Variants in MRPS2 observed in about 807,000 individuals in gnomAD.
MRPS2 encodes small ribosomal subunit protein uS2m.
A neutral mutation model predicts 18.9 loss-of-function variants in MRPS2; 13 were observed. That is an observed-to-expected ratio of 0.69 (90% CI 0.45 to 1.09). The LOEUF is 1.09. Ranked by LOEUF, MRPS2 falls within the 50% of genes least tolerant of loss-of-function variation. The pLI, the probability that MRPS2 is intolerant of heterozygous loss-of-function variation, is 0.00. For missense variants in MRPS2, 389 were observed against 421.7 expected (o/e 0.92, Z 0.68); for synonymous variants, 186 against 178.4 (o/e 1.04, Z -0.34).
intron 3 of MRPS2, chr9:135,502,249 G>A (rs1029524206): frequency 1.6e-6 from 2 of 1,261,188 alleles, no homozygotes; most frequent in Admixed American, 3.7e-5. Context: ...TGGAAAGGCT[G>A]AGGGCAGAAC....
chr9:135,500,911 C>A (rs539303120), intron 1 of MRPS2, 87 bp from the exon 2 acceptor site: 2 of 1,581,716 alleles, frequency 1.3e-6, no homozygotes, highest in Non-Finnish European at 1.7e-6. Flanking sequence ...CCGTTAGGGA[C>A]GCGGAGGGGC....
At chr9:135,500,476 A>G (rs55673942), upstream of MRPS2, 53 of 458,954 alleles carry the variant, frequency 1.2e-4, no homozygotes, top group Non-Finnish European at 1.7e-4. Context: ...GGGCGGGGCG[A>G]GCTGCAGGGC....
In MRPS2 at chr9:135,503,258, A is replaced by C. The variant is rs530088662; in HGVS notation, c.300-284A>C. 3.9e-6 allele frequency: 5 copies of C among 1,276,196 alleles called. 1 individual carries two copies. In the South Asian group the frequency reaches 1.1e-4, roughly 29 times the overall value. The allele number at this position is 1,276,196 out of a possible 1,614,324, so 79.1% of individuals were successfully genotyped here. ...GAATGTCCTTTTGGCGTCATGTTGG[A>C]TGTCCACACATCCATATGGGGTCAG... is the stretch of plus-strand genomic sequence containing the variant. On this transcript the variant is annotated intron_variant, in intron 3 of 3. Coordinates refer to ENST00000241600, the MANE Select transcript of MRPS2 (RefSeq NM_016034.5).
intron 2 of MRPS2, chr9:135,501,404 G>A: frequency 8.0e-7 from 1 of 1,249,390 alleles, no homozygotes; most frequent in Non-Finnish European, 1.0e-6. Context: ...CCGAGGCCCG[G>A]AGCCCCGAGC....
At chr9:135,502,024 G>C (rs1276794811) in intron 3 of MRPS2, 51 bp downstream of exon 3, 1 of 1,610,864 alleles carries the variant, frequency 6.2e-7, no homozygotes, top group Admixed American at 1.7e-5. Context: ...AGGAACCTGG[G>C]ACCTGCTCTG....
chr9:135,504,141 TCTC>T lies in MRPS2; in HGVS notation c.*13_*15del. ...ATGAGCCATTCCCTGTGATGTTCAC[TCTC>T]CTCCCAAAGCAAACCACAGCCAAGC... On this transcript the variant is annotated 3_prime_UTR_variant, in exon 4 of 4. Coordinates refer to ENST00000241600, the MANE Select transcript of MRPS2 (RefSeq NM_016034.5). The surrounding 1 kb of genome is among the most constrained non-coding windows in gnomAD (Gnocchi z 4.3). The T allele has an allele frequency of 6.3e-7, 1 of 1,578,570 alleles. No individual in the cohort carries two copies. Among genetic ancestry groups the T allele is most frequent in the Non-Finnish European group, 8.6e-7 (1 of 1,166,292 alleles).
In MRPS2 at chr9:135,501,916, T is replaced by A; in HGVS notation, c.242T>A (p.Val81Glu). 6.2e-7 allele frequency: 1 copy of A among 1,613,812 alleles called. No homozygotes were observed. Among genetic ancestry groups the A allele is most frequent in the Non-Finnish European group, 8.5e-7 (1 of 1,179,980 alleles). ...TTCAATGTCAAGGAACTGTTTTCCG[T>A]GAGAAGCCTCTTCGATGCCCGAGTC... is the stretch of plus-strand genomic sequence containing the variant. ...DFFNVKELFS[V>E]RSLFDARVHL... The change falls in exon 3 of 4, where the codon GTG becomes GAG. Residue 81 changes from valine (V) to glutamate (E), a missense_variant. Physicochemically the swap from Val to Glu is moderately radical, Grantham distance 121. Coordinates refer to ENST00000241600, the MANE Select transcript of MRPS2 (RefSeq NM_016034.5).
rs1286163816 is a variant in MRPS2, at chr9:135,503,976, C to G, written c.734C>G (p.Ala245Gly). ...CCCGGCAATGACGACTCTCCGCTGG[C>G]TGTGCACCTCTACTGCAGGCTCTTC... The part of the protein sequence containing the change: ...PVPGNDDSPL[A>G]VHLYCRLFQT... The change falls in exon 4 of 4, where the codon GCT (alanine) becomes GGT (glycine). Residue 245 changes from alanine (A) to glycine (G), a missense_variant. Ala to Gly is a moderately conservative substitution (Grantham distance 60, BLOSUM62 0). Transcript: ENST00000241600. 1 of 1,613,650 alleles carries G rather than the reference C, an allele frequency of 6.2e-7. No individual in the cohort carries two copies. Among genetic ancestry groups the G allele is most frequent in the East Asian group, 2.2e-5 (1 of 44,892 alleles).
At chr9:135,501,395 C>T in intron 2 of MRPS2, 1 of 1,273,050 alleles carries the variant, frequency 7.9e-7, no homozygotes, top group Non-Finnish European at 1.0e-6. Context: ...ACTGGACCAC[C>T]GAGGCCCGGA....
chr9:135,503,721 G>A lies in MRPS2; in HGVS notation c.479G>A (p.Arg160His), dbSNP rs192357856. The A allele has an allele frequency of 2.4e-4, 384 of 1,613,458 alleles. 2 individuals are homozygous for A. In the East Asian group the frequency reaches 6.5e-3, roughly 27 times the overall value. ...QFSYLIENMA[R>H]DCGEYAHTRY... ...TCGTACCTGATTGAGAACATGGCCC[G>A]TGACTGTGGCGAGTACGCCCACACT... is the stretch of plus-strand genomic sequence containing the variant. Residue 160 changes from arginine (R) to histidine (H), a missense_variant, in exon 4 of 4, where the codon CGT (arginine) becomes CAT (histidine). Coordinates refer to ENST00000241600, the MANE Select transcript of MRPS2 (RefSeq NM_016034.5).
Position 135,501,831 on chromosome 9 carries a change from C to T in MRPS2, c.170-13C>T, listed in dbSNP as rs1486278152. 1 of 1,612,922 alleles carries T rather than the reference C, an allele frequency of 6.2e-7. No individual in the cohort carries two copies. Among genetic ancestry groups the T allele is most frequent in the Non-Finnish European group, 8.5e-7 (1 of 1,179,740 alleles). On this transcript the variant is annotated splice_polypyrimidine_tract_variant and intron_variant, in intron 2 of 3. Coordinates refer to ENST00000241600, the MANE Select transcript of MRPS2 (RefSeq NM_016034.5). ...GGTGGGAGACGCAGCGTCGCTCCTC[C>T]TCCCTGCCGTAGATTTCAACGACAA...
chr9:135,500,302 T>A (rs1831080857), upstream of MRPS2: 3 of 287,564 alleles, frequency 1.0e-5, no homozygotes, highest in Non-Finnish European at 1.3e-5. Context: ...CTTTATGAAA[T>A]TCTCCTAAGC....
chr9:135,501,425 G>C, intron 2 of MRPS2: 2 of 1,141,822 alleles, frequency 1.8e-6, no homozygotes, highest in Non-Finnish European at 2.2e-6. Flanking sequence ...TCGCCCAGGC[G>C]GGCCCAAGTG....
intron 3 of MRPS2, 112 bp downstream of exon 3, chr9:135,502,085 C>T (rs1337113296): frequency 6.5e-7 from 1 of 1,532,346 alleles, no homozygotes; most frequent in Non-Finnish European, 8.7e-7. Context: ...GTGATTACAG[C>T]CCCATCCTCC....
rs767971399 is a variant in MRPS2 at position 135,503,571 on chromosome 9, G to A, written c.329G>A (p.Arg110His). The change falls in exon 4 of 4, where the codon CGC (arginine) becomes CAC (histidine). Residue 110 changes from arginine (R) to histidine (H), a missense_variant. By Grantham distance (29) the Arg-to-His change is conservative. Transcript: ENST00000241600. ...ATGGAGCCGTACATCTTTGGGAGCC[G>A]CCTGGACCACGACATCATCGACCTG... Reference protein sequence around the residue: ...RFMEPYIFGSRLDHDIIDLEQ... With the variant: ...RFMEPYIFGSHLDHDIIDLEQ... 5.0e-5 allele frequency: 81 copies of A among 1,613,404 alleles called. No individual in the cohort carries two copies. The Admixed American group carries it at 9.8e-4, about 20-fold the overall frequency.
At chr9:135,502,221 A>T (rs1588368918) in intron 3 of MRPS2, 3 of 1,310,564 alleles carry the variant, frequency 2.3e-6, no homozygotes, top group East Asian at 6.8e-5. Flanking sequence ...GGGTTGCAGG[A>T]CTCCACGGGT....
chr9:135,503,006 C>G, intron 3 of MRPS2: 2 of 691,366 alleles, frequency 2.9e-6, no homozygotes, highest in Non-Finnish European at 3.6e-6. Flanking sequence ...TGTCACGCAC[C>G]GAGAGGCGGG....
At position 135,501,042 on chromosome 9, in the gene MRPS2, AC is replaced by A; in HGVS notation, c.94del (p.Arg32GlyfsTer17). ...SRWLGFLGKA[T>X]PRPARPSRRT... The stretch of plus-strand genomic sequence containing the variant: ...CTGGTTGGGCTTTCTCGGGAAGGCG[AC>A]CCCCCGGCCTGCTCGGCCGAGCCGC... On this transcript the variant is annotated frameshift_variant, in exon 2 of 4. Coordinates refer to ENST00000241600, the MANE Select transcript of MRPS2 (RefSeq NM_016034.5). LOFTEE classifies it high-confidence loss of function. 1 of 1,597,808 alleles carries A rather than the reference AC, an allele frequency of 6.3e-7. No individual in the cohort carries two copies. The highest frequency in any genetic ancestry group is 8.5e-7 in the Non-Finnish European group (1 of 1,174,968).
At chr9:135,503,108 C>T (rs767475141) in intron 3 of MRPS2, 40 of 1,028,038 alleles carry the variant, frequency 3.9e-5, no homozygotes, top group Non-Finnish European at 4.4e-5. Context: ...GCCACTCCTG[C>T]CCTGATCCCT....
Sources: gnomAD v4.1 joint callset for allele counts on GRCh38, gnomAD v4.1.1 for gene constraint, Gnocchi (gnomAD v3.1) non-coding constraint, MANE v1.5 for transcripts, NCBI Gene and HGNC (gene_info 2026-07-23, HGNC 2026-07-21) for gene names.